The following TTC12 variants were observed in gnomAD, a reference collection of about 807,000 sequenced individuals.
TTC12 encodes the protein tetratricopeptide repeat domain 12, also known as tetratricopeptide repeat protein 12.
A neutral mutation model predicts 90.1 loss-of-function variants in TTC12; 70 were observed. The ratio of observed to expected loss-of-function variants is 0.78; its 90% confidence interval spans 0.64 to 0.95. The LOEUF (loss-of-function observed/expected upper bound fraction) is 0.95, where lower values mean the gene tolerates loss of function less well. TTC12 is among the 40% of genes least tolerant of loss of function. TTC12 has a pLI of 0.00. For missense variants in TTC12, 819 were observed against 846.1 expected (o/e 0.97, Z 0.40); for synonymous variants, 296 against 311.5 (o/e 0.95, Z 0.53).
chr11:113,349,995 T>G, intron 13 of TTC12, 78 bp from the exon 14 acceptor site: 2 of 1,198,080 alleles, frequency 1.7e-6, no homozygotes, highest in Non-Finnish European at 2.5e-6. Context: ...CCTTTTTTGG[T>G]TTCCTTGCAA....
intron 8 of TTC12, among the ~76,000 whole-genome samples, chr11:113,335,316 G>C (rs1555143727): frequency 6.6e-6 from 1 of 152,130 alleles, no homozygotes; most frequent in East Asian, 1.9e-4. Context: ...AAAATTTGCT[G>C]TAACCTCATC....
chr11:113,352,056 C>T lies in TTC12; in HGVS notation c.1309-14C>T, dbSNP rs782239508. On this transcript the variant is annotated splice_polypyrimidine_tract_variant and intron_variant, in intron 15 of 21. Coordinates refer to ENST00000529221, the MANE Select transcript of TTC12 (RefSeq NM_017868.4). ...TGCTCTCTGAGGCTCTGCCTTCTCT[C>T]AATTCTCATTTAGAAGACAGATCCC... is the stretch of plus-strand genomic sequence containing the variant. The T allele has an allele frequency of 2.5e-6, 4 of 1,612,538 alleles. No homozygotes were observed. Among genetic ancestry groups the T allele is most frequent in the Non-Finnish European group, 3.4e-6 (4 of 1,179,446 alleles).
chr11:113,340,762 A>G (rs1555145764), intron 11 of TTC12, 29 bp downstream of exon 11: 21 of 1,574,940 alleles, frequency 1.3e-5, no homozygotes, highest in Non-Finnish European at 1.8e-5. Flanking sequence ...ACAGCCCAGC[A>G]GCAAAGCAAG....
At chr11:113,365,993 C>T (rs1169715012) in intron 21 of TTC12, among the ~76,000 whole-genome samples, 1 of 152,228 alleles carries the variant, frequency 6.6e-6, no homozygotes, top group Non-Finnish European at 1.5e-5. Flanking sequence ...ATCAGCCTGA[C>T]ACACCTGCCA....
chr11:113,339,264 C>T (rs1555145146), intron 9 of TTC12, 22 bp from the exon 10 acceptor site: 1 of 1,578,908 alleles, frequency 6.3e-7, no homozygotes, highest in Non-Finnish European at 8.6e-7. Flanking sequence ...TTTTGTTTTG[C>T]TTTCCTTTCT....
chr11:113,320,224 A>T (rs1190240628), intron 2 of TTC12, among the ~76,000 whole-genome samples: 1 of 152,064 alleles, frequency 6.6e-6, no homozygotes, highest in Non-Finnish European at 1.5e-5. Context: ...AAGCCGGGAG[A>T]TCTGCAGCGC....
Position 113,366,099 on chromosome 11 carries a change from G to A in TTC12, c.2043-126G>A, listed in dbSNP as rs1375947446. ...TACCCCAATGCCACAGCCACTTCCTGTTTCCACCCAGAGTGATAGGACTGA... is the reference window on the plus strand; with the variant it reads ...TACCCCAATGCCACAGCCACTTCCTATTTCCACCCAGAGTGATAGGACTGA... On this transcript the variant is annotated intron_variant, in intron 21 of 21. Coordinates refer to ENST00000529221, the MANE Select transcript of TTC12 (RefSeq NM_017868.4). 3 of 1,025,112 alleles carry A rather than the reference G, an allele frequency of 2.9e-6. No individual in the cohort carries two copies. The African/African-American group carries it at 4.8e-5, about 16-fold the overall frequency. 63.5% of individuals were successfully genotyped at this position (1,025,112 alleles called of 1,614,324 possible). A position where few individuals can be genotyped will look rare whatever the true frequency, so the allele number is the denominator to read the frequency against.
chr11:113,339,068 C>G (rs988559205), intron 9 of TTC12, among the ~76,000 whole-genome samples: 1 of 152,188 alleles, frequency 6.6e-6, no homozygotes, highest in Non-Finnish European at 1.5e-5. Context: ...CCCTTAGACA[C>G]TTTTAGACTC....
At chr11:113,355,033 T>C (rs1240407584) in intron 16 of TTC12, among the ~76,000 whole-genome samples, 1 of 152,206 alleles carries the variant, frequency 6.6e-6, no homozygotes, top group Non-Finnish European at 1.5e-5. Flanking sequence ...GCAGGAATAG[T>C]ACCACTTCTT....
chr11:113,322,246 TAGG>T (rs1206581491), intron 2 of TTC12, among the ~76,000 whole-genome samples: 2 of 152,034 alleles, frequency 1.3e-5, no homozygotes, highest in African/African-American at 4.8e-5. Flanking sequence ...GACAGAGCAT[TAGG>T]AGAGATTTAA....
intron 6 of TTC12, among the ~76,000 whole-genome samples, chr11:113,328,024 C>G (rs1555141564): frequency 6.6e-6 from 1 of 152,184 alleles, no homozygotes; most frequent in Non-Finnish European, 1.5e-5. Context: ...ATTGACCCCA[C>G]AATTGGCTTG....
At chr11:113,332,311 A>G (rs577397758) in intron 7 of TTC12, among the ~76,000 whole-genome samples, 12 of 152,322 alleles carry the variant, frequency 7.9e-5, no homozygotes, top group African/African-American at 2.9e-4. Flanking sequence ...CGTGAGAAAA[A>G]TCCATTAGTA....
chr11:113,341,144 C>T (rs1303843221), intron 11 of TTC12, among the ~76,000 whole-genome samples: 9 of 152,242 alleles, frequency 5.9e-5, no homozygotes, highest in Non-Finnish European at 1.0e-4. Flanking sequence ...GCACGAGAAT[C>T]GCTTGAATCT....
At chr11:113,368,312 C>A, downstream of TTC12, 2 of 1,542,392 alleles carry the variant, frequency 1.3e-6, no homozygotes, top group Non-Finnish European at 1.7e-6. Context: ...GTGGATCCAC[C>A]CCCGCCACCG....
In TTC12 at chr11:113,329,574, G is replaced by A. The variant is rs527860384; in HGVS notation, c.445-346G>A. On this transcript the variant is annotated intron_variant, in intron 6 of 21. Coordinates refer to ENST00000529221, the MANE Select transcript of TTC12 (RefSeq NM_017868.4). ...TGAAGGCCTCAGCTCATGTCAGGCAGTTCTTTTCGCAGAGCTGTCCTCCCA... is the reference window on the plus strand; with the variant it reads ...TGAAGGCCTCAGCTCATGTCAGGCAATTCTTTTCGCAGAGCTGTCCTCCCA... The A allele has an allele frequency of 2.1e-5, 10 of 472,462 alleles. 1 individual carries two copies. The Admixed American group carries it at 2.3e-4, about 11-fold the overall frequency. The allele number at this position is 472,462 out of a possible 1,614,324, so 29.3% of individuals were successfully genotyped here. A position where few individuals can be genotyped will look rare whatever the true frequency, so the allele number is the denominator to read the frequency against.
intron 7 of TTC12, 74 bp downstream of exon 7, chr11:113,330,053 G>A: frequency 8.5e-7 from 1 of 1,173,862 alleles, no homozygotes; most frequent in Non-Finnish European, 1.3e-6. Flanking sequence ...AGTGTATCAA[G>A]ATAGGAAAGG....
At chr11:113,342,035 G>A in intron 12 of TTC12, 110 bp downstream of exon 12, 1 of 912,498 alleles carries the variant, frequency 1.1e-6, no homozygotes, top group Non-Finnish European at 1.8e-6. Flanking sequence ...CTGATGTCTA[G>A]ACTTCCGCAC....
At chr11:113,315,987 G>A (rs1946915186) in intron 1 of TTC12, 1 of 303,504 alleles carries the variant, frequency 3.3e-6, no homozygotes, top group East Asian at 5.4e-5. Context: ...GGCTTTGGAA[G>A]AACTATTTGC....
At position 113,340,857 on chromosome 11, in the gene TTC12, G is replaced by C. The variant is rs566566209; in HGVS notation, c.896+124G>C. The C allele has an allele frequency of 1.0e-5, 8 of 785,950 alleles. No individual in the cohort carries two copies. The East Asian group carries it at 1.3e-4, about 13-fold the overall frequency. The allele number at this position is 785,950 out of a possible 1,614,324, so 48.7% of individuals were successfully genotyped here. ...ACATTACCCCCCTTCAGTCAGTAGT[G>C]GGGGGCTCTCCAGGAGTGCAAAGCT... On this transcript the variant is annotated intron_variant, in intron 11 of 21. Transcript: ENST00000529221.
Sources: allele counts gnomAD v4.1 joint callset (sites outside exome capture counted in the v4.1 genomes callset), GRCh38; gene constraint gnomAD v4.1.1; transcripts MANE v1.5; gene names NCBI Gene and HGNC (gene_info 2026-07-23, HGNC 2026-07-21).